DCC: variants seen among roughly 807,000 people sequenced by gnomAD.
The protein encoded by DCC is netrin receptor DCC.
Under a neutral mutation model 172.5 loss-of-function variants are expected in DCC, and 58 were observed. The observed-to-expected ratio is 0.34, with a 90% CI of 0.27 to 0.42. The LOEUF (loss-of-function observed/expected upper bound fraction) is 0.42, where lower values mean the gene tolerates loss of function less well. Among genes scored for constraint, DCC ranks in the 10% least tolerant of loss-of-function variants. The pLI, the probability that DCC is intolerant of heterozygous loss-of-function variation, is 1.00. For missense variants in DCC, 1,740 were observed against 1,791.0 expected, an observed-to-expected ratio of 0.97 and a Z score of 0.51; for synonymous variants, 709 against 644.5, an observed-to-expected ratio of 1.10 and a Z score of -1.52.
chr18:52,979,452 A>C (rs1299419577), intron 5 of DCC, among the ~76,000 whole-genome samples: 2 of 152,196 alleles, frequency 1.3e-5, no homozygotes, highest in Admixed American at 6.5e-5. Flanking sequence ...AGTCATATAC[A>C]TGACACTGAT....
In DCC at chr18:52,443,326, C is replaced by G. The variant is rs183913186; in HGVS notation, c.91+102448C>G. 1.8e-4 allele frequency among the ~76,000 whole-genome samples: 27 copies of G among 152,290 alleles called. No individual in the cohort carries two copies. The East Asian group carries it at 4.4e-3, about 25-fold the overall frequency. ...TTGAGGAGCCCCTAAGCACTAAGCT[C>G]TGCTGTATAGAAAGGTCATATTCCC... On this transcript the variant is annotated intron_variant, in intron 1 of 28. Transcript: ENST00000442544.
chr18:53,504,973 C>A (rs1219301323), intron 27 of DCC, among the ~76,000 whole-genome samples: 1 of 151,994 alleles, frequency 6.6e-6, no homozygotes, highest in East Asian at 1.9e-4. Context: ...CAGGATTTTA[C>A]CTAGCTTTTT....
chr18:53,179,017 C>T lies in DCC; in HGVS notation c.1474C>T (p.Leu492=). The part of the protein sequence containing the change: ...PGSLQLTVGN[L]KPEAMYTFRV... ...GTCCCTTCAGCTCACTGTGGGAAAC[C>T]TGAAGCCAGAAGCCATGTACACCTT... is the stretch of plus-strand genomic sequence containing the variant. The change falls in exon 9 of 29, where the codon CTG becomes TTG. Residue 492 remains leucine, a synonymous_variant. Transcript: ENST00000442544. The T allele has an allele frequency of 2.5e-6, 4 of 1,614,062 alleles. No homozygotes were observed. Among genetic ancestry groups the T allele is most frequent in the Non-Finnish European group, 3.4e-6 (4 of 1,179,970 alleles).
At chr18:52,934,250 T>C (rs2040349979) in intron 5 of DCC, among the ~76,000 whole-genome samples, 1 of 152,072 alleles carries the variant, frequency 6.6e-6, no homozygotes, top group Admixed American at 6.6e-5. Context: ...TATCTAGTGA[T>C]CAATATAACA....
chr18:52,716,927 A>G (rs981376743), intron 1 of DCC, among the ~76,000 whole-genome samples: 4 of 152,222 alleles, frequency 2.6e-5, no homozygotes, highest in African/African-American at 9.6e-5. Context: ...GGATGGGCTC[A>G]CAGATGGGAG....
intron 21 of DCC, among the ~76,000 whole-genome samples, chr18:53,425,473 C>A (rs1050817036): frequency 6.7e-6 from 1 of 149,260 alleles, no homozygotes; most frequent in South Asian, 2.1e-4. Flanking sequence ...GATTCTCCTG[C>A]CCCAGCCTCC....
intron 1 of DCC, among the ~76,000 whole-genome samples, chr18:52,745,889 A>G (rs1209619821): frequency 6.6e-6 from 1 of 152,134 alleles, no homozygotes; most frequent in Non-Finnish European, 1.5e-5. Context: ...TAGTCTAGGG[A>G]CTGTACTTTG....
At chr18:52,959,605 G>C (rs2040807803) in intron 5 of DCC, among the ~76,000 whole-genome samples, 1 of 151,814 alleles carries the variant, frequency 6.6e-6, no homozygotes. Flanking sequence ...CCAAACTTAA[G>C]TTTATTTAAA....
At chr18:52,458,946 G>A (rs1225766860) in intron 1 of DCC, among the ~76,000 whole-genome samples, 1 of 152,140 alleles carries the variant, frequency 6.6e-6, no homozygotes, top group Non-Finnish European at 1.5e-5. Context: ...CTGAAACATG[G>A]AAAGGGGAAG....
intron 1 of DCC, among the ~76,000 whole-genome samples, chr18:52,544,944 C>T (rs1373932863): frequency 6.6e-6 from 1 of 152,108 alleles, no homozygotes; most frequent in Non-Finnish European, 1.5e-5. Context: ...CTGTATTATG[C>T]CTTTGCAATT....
chr18:53,264,454 C>T (rs1416572115), intron 12 of DCC, among the ~76,000 whole-genome samples: 3 of 129,292 alleles, frequency 2.3e-5, no homozygotes, highest in Non-Finnish European at 4.7e-5. Flanking sequence ...CCACCCTGGG[C>T]GAAACGAGCA....
rs565046360 is a variant in DCC at position 52,858,398 on chromosome 18, CAGTT to C, written c.413-47643_413-47640del. ...GCATTTCAACAATTCCAGCAGTACT[CAGTT>C]AGGAGGAGATTTTATTTGGAACTCA... On this transcript the variant is annotated intron_variant, in intron 2 of 28. Coordinates refer to ENST00000442544, the MANE Select transcript of DCC (RefSeq NM_005215.4). 5.5e-3 allele frequency among the ~76,000 whole-genome samples: 834 copies of C among 152,272 alleles called. 5 individuals carry two copies. Among genetic ancestry groups the C allele is most frequent in the African/African-American group, 0.019 (793 of 41,548 alleles).
In DCC at chr18:53,530,575, G is replaced by C; in HGVS notation, c.4266G>C (p.Gln1422His). ...PTEDSANVYE[Q>H]DDLSEQMASL... Reference sequence around the variant, plus strand: ...CATTCTCTTTATAGGTGTATGAACAGGATGATCTGAGTGAACAAATGGCAA... The same window carrying C: ...CATTCTCTTTATAGGTGTATGAACACGATGATCTGAGTGAACAAATGGCAA... Residue 1422 changes from glutamine to histidine, a missense_variant, in exon 29 of 29, where the codon CAG becomes CAC. Physicochemically the swap from Gln to His is conservative, Grantham distance 24 (BLOSUM62 0). Transcript: ENST00000442544. The C allele has an allele frequency of 6.4e-7, 1 of 1,561,604 alleles. No homozygotes were observed. The highest frequency in any genetic ancestry group is 8.8e-7 in the Non-Finnish European group (1 of 1,132,186).
intron 1 of DCC, among the ~76,000 whole-genome samples, chr18:52,648,945 C>CT (rs1026441239): frequency 5.3e-4 from 80 of 152,296 alleles, no homozygotes; most frequent in African/African-American, 1.9e-3. Flanking sequence ...GATTCTGTAT[C>CT]TTTGCTAAGG....
chr18:52,463,612 G>C (rs558780053), intron 1 of DCC, among the ~76,000 whole-genome samples: 49 of 152,122 alleles, frequency 3.2e-4, no homozygotes, highest in Non-Finnish European at 6.9e-4. Flanking sequence ...TTTAGACCCT[G>C]GTCATTCAAA....
intron 1 of DCC, among the ~76,000 whole-genome samples, chr18:52,501,750 G>GTATA (rs2031030286): frequency 1.3e-5 from 2 of 152,054 alleles, no homozygotes; most frequent in African/African-American, 4.8e-5. Context: ...TTTCTGAGTG[G>GTATA]ATATTTTTTC....
At chr18:52,426,632 C>A (rs1987436622) in intron 1 of DCC, among the ~76,000 whole-genome samples, 2 of 148,704 alleles carry the variant, frequency 1.3e-5, no homozygotes, top group African/African-American at 2.4e-5. Context: ...CTAACATACA[C>A]TGATAGTTCT....
At chr18:52,736,574 C>A (rs867439603) in intron 1 of DCC, among the ~76,000 whole-genome samples, 1 of 152,084 alleles carries the variant, frequency 6.6e-6, no homozygotes, top group African/African-American at 2.4e-5. Context: ...AAAGGAAGAA[C>A]ATTTCACTTA....
At chr18:52,789,897 C>T (rs1830215689) in intron 2 of DCC, among the ~76,000 whole-genome samples, 1 of 152,104 alleles carries the variant, frequency 6.6e-6, no homozygotes, top group South Asian at 2.1e-4. Flanking sequence ...GGGACCAGAC[C>T]AAGAAACTAG....
Sources: gnomAD v4.1 joint callset for allele counts (sites outside exome capture counted in the v4.1 genomes callset) on GRCh38, gnomAD v4.1.1 for gene constraint, MANE v1.5 for transcripts, NCBI Gene and HGNC (gene_info 2026-07-23, HGNC 2026-07-21) for gene names.